Variants in EML6 observed in about 807,000 individuals in gnomAD.
EML6 encodes the protein echinoderm microtubule-associated protein-like 6.
In EML6, 154 loss-of-function variants were observed where a neutral mutation model predicts 240.1. The ratio of observed to expected loss-of-function variants is 0.64; its 90% CI spans 0.56 to 0.73. The LOEUF (loss-of-function observed/expected upper bound fraction) is 0.73, where lower values mean the gene tolerates loss of function less well. Ranked by LOEUF, EML6 falls within the 30% of genes least tolerant of loss-of-function variation. The pLI is 0.00. For missense variants in EML6, 2,964 were observed against 2,474.6 expected (o/e 1.20, Z -4.20); for synonymous variants, 1,148 against 899.0 (o/e 1.28, Z -4.95).
chr2:54,893,836 GTTGTT>G (rs763925226), intron 19 of EML6, among the ~76,000 whole-genome samples: 58 of 152,200 alleles, frequency 3.8e-4, no homozygotes, highest in Non-Finnish European at 2.8e-4. Flanking sequence ...TGGCAAAGGT[GTTGTT>G]TTGTTTTGTT....
rs571080472 is a variant in EML6 at position 54,797,981 on chromosome 2, A to G, written c.198-15251A>G. 3.3e-5 allele frequency among the ~76,000 whole-genome samples: 5 copies of G among 152,140 alleles called. No individual in the cohort carries two copies. In the South Asian group the frequency reaches 6.2e-4, roughly 19 times the overall value. On this transcript the variant is annotated intron_variant, in intron 2 of 41. Coordinates refer to ENST00000356458, the MANE Select transcript of EML6 (RefSeq NM_001039753.4). The stretch of plus-strand genomic sequence containing the variant: ...AGTTTTTTAAAAAACCTATTCTAGG[A>G]CCCTTGTACTTCAATATAAGTGTCT...
In EML6 at chr2:54,835,773, A is replaced by G. The variant is rs1162469445; in HGVS notation, c.847+6296A>G. On this transcript the variant is annotated intron_variant, in intron 7 of 41. Coordinates refer to ENST00000356458, the MANE Select transcript of EML6 (RefSeq NM_001039753.4). ...TGATTGTCGCAACTGCAGAGTTGCGACTGGCATCTATGGATAGAGGCCAGG... is the reference window on the plus strand; with the variant it reads ...TGATTGTCGCAACTGCAGAGTTGCGGCTGGCATCTATGGATAGAGGCCAGG... Among the ~76,000 whole-genome samples the G allele has an allele frequency of 3.3e-5, 5 of 152,168 alleles. No individual in the cohort carries two copies. In the East Asian group the frequency reaches 9.7e-4, roughly 29 times the overall value.
At chr2:54,842,252 C>T (rs1333379039) in intron 7 of EML6, among the ~76,000 whole-genome samples, 1 of 152,224 alleles carries the variant, frequency 6.6e-6, no homozygotes, top group African/African-American at 2.4e-5. Flanking sequence ...ATTTATCTCT[C>T]TGCCCCAGAT....
At chr2:54,892,967 G>C (rs1672556250) in intron 19 of EML6, among the ~76,000 whole-genome samples, 1 of 152,194 alleles carries the variant, frequency 6.6e-6, no homozygotes, top group South Asian at 2.1e-4. Context: ...AGAGTCCTGA[G>C]AAATACTTCA....
chr2:54,831,942 T>TTAATA (rs1253909121), intron 7 of EML6, among the ~76,000 whole-genome samples: 1 of 152,210 alleles, frequency 6.6e-6, no homozygotes, highest in Non-Finnish European at 1.5e-5. Flanking sequence ...TTTAAACTGA[T>TTAATA]TAATATATCT....
chr2:54,954,245 G>A (rs4672001), intron 32 of EML6, 89 bp downstream of exon 32: 842,256 of 1,223,354 alleles, frequency 0.69, 298,966 homozygotes, highest in Non-Finnish European at 0.73. Flanking sequence ...GCCTCACTCC[G>A]AAGCCTGCCG....
chr2:54,844,355 C>G (rs777048477), intron 8 of EML6, 107 bp downstream of exon 8: 61 of 847,698 alleles, frequency 7.2e-5, no homozygotes, highest in Non-Finnish European at 1.0e-4. Context: ...CACACAGTTT[C>G]CAAATGAAAC....
At chr2:54,820,598 C>G (rs897577479) in intron 5 of EML6, 136 bp downstream of exon 5, 2 of 556,654 alleles carry the variant, frequency 3.6e-6, no homozygotes, top group African/African-American at 3.8e-5. Flanking sequence ...ACCTGTTTCT[C>G]TGCTCCTGAA....
intron 28 of EML6, among the ~76,000 whole-genome samples, chr2:54,937,573 A>G (rs1675209661): frequency 6.6e-6 from 1 of 151,272 alleles, no homozygotes; most frequent in Non-Finnish European, 1.5e-5. Flanking sequence ...AAAAAAAAAA[A>G]AAAAAAAAAG....
chr2:54,863,950 T>G, intron 13 of EML6, 61 bp downstream of exon 13: 1 of 877,204 alleles, frequency 1.1e-6, no homozygotes, highest in Non-Finnish European at 1.8e-6. Flanking sequence ...TTCCTGGATT[T>G]GGACATAGCA....
At chr2:54,765,947 G>T (rs995168386) in intron 2 of EML6, among the ~76,000 whole-genome samples, 3 of 152,106 alleles carry the variant, frequency 2.0e-5, no homozygotes, top group African/African-American at 7.2e-5. Context: ...CTTTCACCCA[G>T]ATTCCTCAAA....
Position 54,964,167 on chromosome 2 carries a change from G to C in EML6, c.5330+9G>C, listed in dbSNP as rs1332923407. The C allele has an allele frequency of 6.4e-7, 1 of 1,551,042 alleles. No homozygotes were observed. Among genetic ancestry groups the C allele is most frequent in the Admixed American group, 2.0e-5 (1 of 50,966 alleles). On this transcript the variant is annotated intron_variant, in intron 37 of 41. Transcript: ENST00000356458. ...GCTATCCAAGATATCAGGTACCTAA[G>C]TGGGTGGTCTGGGCATGGAGGAGAA...
At chr2:54,859,492 T>A in intron 11 of EML6, 42 bp from the exon 12 acceptor site, 1 of 1,504,784 alleles carries the variant, frequency 6.6e-7, no homozygotes, top group Non-Finnish European at 9.0e-7. Context: ...TAATGAACTC[T>A]TCTTTTTTCA....
intron 25 of EML6, among the ~76,000 whole-genome samples, chr2:54,912,472 G>A (rs1355094410): frequency 6.6e-6 from 1 of 152,120 alleles, no homozygotes; most frequent in African/African-American, 2.4e-5. Flanking sequence ...TGGGTCTGTT[G>A]TATGACACTG....
At chr2:54,790,719 T>C (rs1669391364) in intron 2 of EML6, among the ~76,000 whole-genome samples, 1 of 139,502 alleles carries the variant, frequency 7.2e-6, no homozygotes, top group Non-Finnish European at 1.5e-5. Flanking sequence ...GGTAACTTAA[T>C]TTTCCTTTTT....
chr2:54,836,120 G>A (rs1669128390), intron 7 of EML6, among the ~76,000 whole-genome samples: 1 of 152,196 alleles, frequency 6.6e-6, no homozygotes, highest in South Asian at 2.1e-4. Flanking sequence ...AGAGGCCCGA[G>A]CCTCAGGAGC....
rs566367156 is a variant in EML6, at chr2:54,859,573, T to A, written c.1697T>A (p.Val566Asp). ...AAGTATGTGGGCCATTCTGCACATG[T>A]CACAAATGTCCGCTGGTCCCATGAC... ...FRKYVGHSAHVTNVRWSHDFQ... is the reference protein window; with the variant it reads ...FRKYVGHSAHDTNVRWSHDFQ... Residue 566 changes from valine (V) to aspartate (D), a missense_variant, in exon 12 of 42, where the codon GTC (valine) becomes GAC (aspartate). Transcript: ENST00000356458. 5.2e-6 allele frequency: 8 copies of A among 1,551,354 alleles called. No individual in the cohort carries two copies. Among genetic ancestry groups the A allele is most frequent in the Non-Finnish European group, 7.0e-6 (8 of 1,146,856 alleles).
At position 54,810,798 on chromosome 2, in the gene EML6, C is replaced by T. The variant is rs373251142; in HGVS notation, c.198-2434C>T. Among the ~76,000 whole-genome samples the T allele has an allele frequency of 1.1e-4, 16 of 152,074 alleles. 1 individual carries two copies. Among genetic ancestry groups the T allele is most frequent in the East Asian group, 7.7e-4 (4 of 5,184 alleles). On this transcript the variant is annotated intron_variant, in intron 2 of 41. Coordinates refer to ENST00000356458, the MANE Select transcript of EML6 (RefSeq NM_001039753.4). Reference sequence around the variant, plus strand: ...TGATGGAAGACAGCCCCTGCCCTCACGGAGCATACAATCTAGTCAATCCTC... The same window carrying T: ...TGATGGAAGACAGCCCCTGCCCTCATGGAGCATACAATCTAGTCAATCCTC...
intron 2 of EML6, among the ~76,000 whole-genome samples, chr2:54,789,505 C>A: frequency 1.1e-5 from 1 of 89,924 alleles, no homozygotes; most frequent in East Asian, 3.4e-4. Context: ...CAGAGCGAGA[C>A]TTCGTCTCAA....
Sources: gnomAD v4.1 joint callset for allele counts (sites outside exome capture counted in the v4.1 genomes callset) on GRCh38, gnomAD v4.1.1 for gene constraint, MANE v1.5 for transcripts, NCBI Gene and HGNC (gene_info 2026-07-23, HGNC 2026-07-21) for gene names.